The following HSP90B1 variants were observed in gnomAD, a reference collection of about 807,000 sequenced individuals.
The protein encoded by HSP90B1 is heat shock protein 90 beta family member 1, also known as endoplasmin.
Under a neutral mutation model 100.4 loss-of-function variants are expected in HSP90B1, and 27 were observed. The observed-to-expected ratio is 0.27, with a 90% CI of 0.20 to 0.37. The LOEUF (loss-of-function observed/expected upper bound fraction) is 0.37. Ranked by LOEUF, HSP90B1 falls within the 10% of genes least tolerant of loss-of-function variation. The pLI is 1.00. For synonymous variants in HSP90B1, 304 were observed against 330.8 expected, an observed-to-expected ratio of 0.92 and a Z score of 0.88; for missense variants, 678 against 960.5, an observed-to-expected ratio of 0.71 and a Z score of 3.89.
intron 5 of HSP90B1, among the ~76,000 whole-genome samples, chr12:103,935,036 T>C (rs1869871365): frequency 6.6e-6 from 1 of 151,958 alleles, no homozygotes; most frequent in Admixed American, 6.6e-5. Context: ...CTCAAGGTGG[T>C]GTGGAGGATG....
intron 14 of HSP90B1, among the ~76,000 whole-genome samples, chr12:103,945,812 C>T (rs1385996159): frequency 6.6e-6 from 1 of 152,196 alleles, no homozygotes; most frequent in Admixed American, 6.5e-5. Flanking sequence ...AGGCTGGGCA[C>T]ATGGCTCACG....
chr12:103,937,480 C>T (rs1475969201), intron 5 of HSP90B1, among the ~76,000 whole-genome samples: 2 of 152,152 alleles, frequency 1.3e-5, no homozygotes, highest in African/African-American at 4.8e-5. Flanking sequence ...GGTTATTCTC[C>T]ACTTGAGGTA....
intron 1 of HSP90B1, among the ~76,000 whole-genome samples, chr12:103,931,237 G>T (rs1271567295): frequency 6.6e-6 from 1 of 152,194 alleles, no homozygotes; most frequent in East Asian, 1.9e-4. Flanking sequence ...TGTAGAAGAG[G>T]CCTGGTATCA....
intron 14 of HSP90B1, among the ~76,000 whole-genome samples, chr12:103,946,393 C>T (rs917689921): frequency 6.6e-6 from 1 of 152,060 alleles, no homozygotes; most frequent in Non-Finnish European, 1.5e-5. Context: ...ACGGTATTTT[C>T]TATCTGAGTT....
At chr12:103,936,850 G>C (rs1869934572) in intron 5 of HSP90B1, among the ~76,000 whole-genome samples, 1 of 152,122 alleles carries the variant, frequency 6.6e-6, no homozygotes, top group African/African-American at 2.4e-5. Context: ...TCTGAGACCA[G>C]GGGCCTAGTC....
At position 103,938,346 on chromosome 12, in the gene HSP90B1, A is replaced by G. The variant is rs1186299039; in HGVS notation, c.862A>G (p.Thr288Ala). 1.9e-6 allele frequency: 3 copies of G among 1,549,122 alleles called. No individual in the cohort carries two copies. The highest frequency in any genetic ancestry group is 1.9e-4 in the Middle Eastern group (1 of 5,220). ...PIYVWSSKTE[T>A]VEEPMEEEEA... ...AATTCTCTTATTTCAACAGACTGAA[A>G]CTGTTGAGGAGCCCATGGAGGAAGA... is the stretch of plus-strand genomic sequence containing the variant. The change falls in exon 7 of 18, where the codon ACT becomes GCT. Residue 288 changes from threonine (T) to alanine (A), a missense_variant. Coordinates refer to ENST00000299767, the MANE Select transcript of HSP90B1 (RefSeq NM_003299.3).
intron 11 of HSP90B1, 144 bp downstream of exon 11, chr12:103,942,041 C>A: frequency 1.6e-6 from 1 of 639,908 alleles, no homozygotes; most frequent in Non-Finnish European, 2.7e-6. Flanking sequence ...GTTATCAGAT[C>A]CTAAGAATCT....
In HSP90B1 at chr12:103,943,942, A is replaced by G; in HGVS notation, c.2027+68A>G. ...ACCCAATCTTTGTTTTGGAGATAATACCAGCTTCAATACAAAGAGTAAAAT... is the reference window on the plus strand; with the variant it reads ...ACCCAATCTTTGTTTTGGAGATAATGCCAGCTTCAATACAAAGAGTAAAAT... On this transcript the variant is annotated intron_variant, in intron 14 of 17. Coordinates refer to ENST00000299767, the MANE Select transcript of HSP90B1 (RefSeq NM_003299.3). This position sits in a 1 kb window ranked among gnomAD's most constrained non-coding sequence, Gnocchi z 5.3. The G allele has an allele frequency of 6.9e-7, 1 of 1,458,972 alleles. No individual in the cohort carries two copies. Among genetic ancestry groups the G allele is most frequent in the Admixed American group, 2.2e-5 (1 of 45,402 alleles). The allele number at this position is 1,458,972 out of a possible 1,614,324, so 90.4% of individuals were successfully genotyped here.
rs1422267900 is a variant in HSP90B1, at chr12:103,943,705, A to G, written c.1891-33A>G. ...TTGCTCAATGACCTTACCTGTTGAT[A>G]TTAATTTATATGACTTGATTTCTTT... On this transcript the variant is annotated intron_variant, in intron 13 of 17. Transcript: ENST00000299767. This position sits in a 1 kb window ranked among gnomAD's most constrained non-coding sequence, Gnocchi z 5.3. 9 of 1,599,530 alleles carry G rather than the reference A, an allele frequency of 5.6e-6. No homozygotes were observed. The highest frequency in any genetic ancestry group is 6.8e-6 in the Non-Finnish European group (8 of 1,172,162).
chr12:103,947,451 G>T, intron 17 of HSP90B1, 21 bp downstream of exon 17: 2 of 1,614,052 alleles, frequency 1.2e-6, no homozygotes, highest in South Asian at 2.2e-5. Flanking sequence ...TCAAGAATGT[G>T]ACTTGCATTT....
intron 2 of HSP90B1, 68 bp from the exon 3 acceptor site, chr12:103,932,209 T>A: frequency 7.5e-7 from 1 of 1,338,972 alleles, no homozygotes; most frequent in Non-Finnish European, 1.0e-6. Context: ...TGTGCTTTCA[T>A]CATAATTCCT....
At chr12:103,931,454 T>C (rs1387238427) in intron 1 of HSP90B1, 67 bp from the exon 2 acceptor site, 3 of 1,269,828 alleles carry the variant, frequency 2.4e-6, no homozygotes, top group Non-Finnish European at 3.4e-6. Context: ...ACCCCTACCC[T>C]TCCCTATTTG....
Position 103,947,359 on chromosome 12 carries a change from A to G in HSP90B1, c.2311A>G (p.Thr771Ala), listed in dbSNP as rs569291244. The change falls in exon 17 of 18, where the codon ACA becomes GCA. Residue 771 changes from threonine to alanine, a missense_variant. Thr to Ala is a moderately conservative substitution (Grantham distance 58). Coordinates refer to ENST00000299767, the MANE Select transcript of HSP90B1 (RefSeq NM_003299.3). Reference sequence around the variant, plus strand: ...ACCTGAAGAGACAGCAGAAGACACAACAGAAGACACAGAGCAAGACGAAGA... The same window carrying G: ...ACCTGAAGAGACAGCAGAAGACACAGCAGAAGACACAGAGCAAGACGAAGA... ...EEPEETAEDT[T>A]EDTEQDEDEE... The G allele has an allele frequency of 4.4e-6, 7 of 1,606,924 alleles. No homozygotes were observed. Among genetic ancestry groups the G allele is most frequent in the African/African-American group, 2.7e-5 (2 of 74,698 alleles).
chr12:103,944,846 G>A (rs746722444), intron 14 of HSP90B1, among the ~76,000 whole-genome samples: 3 of 152,224 alleles, frequency 2.0e-5, no homozygotes, highest in African/African-American at 4.8e-5. Flanking sequence ...GGGCCACTGC[G>A]CCTGGCCAGG....
Position 103,932,719 on chromosome 12 carries a change from G to A in HSP90B1, c.295-107G>A, listed in dbSNP as rs1869803231. The A allele has an allele frequency of 4.2e-6, 3 of 716,934 alleles. No homozygotes were observed. The South Asian group carries it at 5.0e-5, about 12-fold the overall frequency. 44.4% of individuals were successfully genotyped at this position (716,934 alleles called of 1,614,324 possible). ...GAAGATCACTGTTAGGTGAATAAGAGTGCTTTTATAAGGTACAGAGAAGAA... is the reference window on the plus strand; with the variant it reads ...GAAGATCACTGTTAGGTGAATAAGAATGCTTTTATAAGGTACAGAGAAGAA... On this transcript the variant is annotated intron_variant, in intron 3 of 17. Coordinates refer to ENST00000299767, the MANE Select transcript of HSP90B1 (RefSeq NM_003299.3).
rs1870088776 is a variant in HSP90B1 at position 103,941,828 on chromosome 12, G to A, written c.1309-4G>A. 1 of 1,613,684 alleles carries A rather than the reference G, an allele frequency of 6.2e-7. No individual in the cohort carries two copies. The highest frequency in any genetic ancestry group is 1.1e-5 in the South Asian group (1 of 91,082). Reference sequence around the variant, plus strand: ...CTCACTGAACTTTCTTTTGCCATCTGAAGGTGGACTCAGATGATCTCCCCT... The same window carrying A: ...CTCACTGAACTTTCTTTTGCCATCTAAAGGTGGACTCAGATGATCTCCCCT... On this transcript the variant is annotated splice_region_variant and splice_polypyrimidine_tract_variant and intron_variant, in intron 10 of 17. Transcript: ENST00000299767.
rs1426851082 is a variant in HSP90B1, at chr12:103,942,668, C to G, written c.1516C>G (p.Leu506Val). 8.7e-6 allele frequency: 14 copies of G among 1,613,882 alleles called. No homozygotes were observed. The highest frequency in any genetic ancestry group is 1.2e-5 in the Non-Finnish European group (14 of 1,179,894). The change falls in exon 12 of 18, where the codon CTT becomes GTT. Residue 506 changes from leucine (L) to valine (V), a missense_variant. This residue lies in a region of HSP90B1 where 170 missense variants were observed against 236.7 expected (regional missense o/e 0.72). Transcript: ENST00000299767. ...TGAAGACCACTCGAATCGAACACGT[C>G]TTGCTAAACTTCTTAGGTTCCAGTC... ...VIEDHSNRTR[L>V]AKLLRFQSSH...
Position 103,930,453 on chromosome 12 carries a change from G to A in HSP90B1, c.-63G>A. Reference sequence around the variant, plus strand: ...CTGGAGGTGTGAGGATCCGAACCCAGGGGTGGGGGGTGGAGGCGGCTCCTG... The same window carrying A: ...CTGGAGGTGTGAGGATCCGAACCCAAGGGTGGGGGGTGGAGGCGGCTCCTG... On this transcript the variant is annotated 5_prime_UTR_variant, in exon 1 of 18. Transcript: ENST00000299767. This position sits in a 1 kb window ranked among gnomAD's most constrained non-coding sequence, Gnocchi z 4.4. The A allele has an allele frequency of 1.7e-6, 2 of 1,158,856 alleles. No homozygotes were observed. The highest frequency in any genetic ancestry group is 2.4e-6 in the Non-Finnish European group (2 of 842,934). The allele number at this position is 1,158,856 out of a possible 1,614,324, so 71.8% of individuals were successfully genotyped here.
At chr12:103,947,179 C>T in intron 16 of HSP90B1, 132 bp from the exon 17 acceptor site, 1 of 1,277,238 alleles carries the variant, frequency 7.8e-7, no homozygotes, top group Non-Finnish European at 1.1e-6. Flanking sequence ...CTTGGCTGTT[C>T]ATTCTAGTTA....
Sources: allele counts gnomAD v4.1 joint callset (sites outside exome capture counted in the v4.1 genomes callset), GRCh38; gene constraint gnomAD v4.1.1; regional missense constraint gnomAD v4.1.1; non-coding constraint Gnocchi (gnomAD v3.1); transcripts MANE v1.5; gene names NCBI Gene and HGNC (gene_info 2026-07-23, HGNC 2026-07-21).